CCDC7: variants seen among roughly 807,000 people sequenced by gnomAD.
The protein encoded by CCDC7 is coiled-coil domain-containing protein 7.
CCDC7 carries 183 observed loss-of-function variants against 196.9 expected under a neutral mutation model. The observed-to-expected ratio is 0.93, with a 90% CI of 0.82 to 1.05. CCDC7 has a LOEUF of 1.05. Ranked by LOEUF, CCDC7 falls within the 50% of genes least tolerant of loss-of-function variation. The pLI is 0.00. For missense variants in CCDC7, 1,540 were observed against 1,482.2 expected (o/e 1.04, Z -0.64); for synonymous variants, 525 against 484.6 (o/e 1.08, Z -1.10).
intron 30 of CCDC7, among the ~76,000 whole-genome samples, chr10:32,807,467 A>G (rs2086076459): frequency 6.6e-6 from 1 of 152,102 alleles, no homozygotes; most frequent in African/African-American, 2.4e-5. Context: ...AACACATACA[A>G]AAAAACAAAT....
chr10:32,797,096 T>C (rs2083699211), intron 29 of CCDC7, among the ~76,000 whole-genome samples: 1 of 151,762 alleles, frequency 6.6e-6, no homozygotes, highest in African/African-American at 2.4e-5. Flanking sequence ...TAATTCACAA[T>C]TGCAAAAATG....
intron 30 of CCDC7, among the ~76,000 whole-genome samples, chr10:32,808,822 T>A (rs2086427146): frequency 6.6e-6 from 1 of 150,688 alleles, no homozygotes; most frequent in South Asian, 2.1e-4. Flanking sequence ...CTGTTATAGC[T>A]GAAAAAAAAA....
intron 13 of CCDC7, among the ~76,000 whole-genome samples, chr10:32,554,936 C>T (rs1386987064): frequency 6.6e-6 from 1 of 152,190 alleles, no homozygotes; most frequent in Non-Finnish European, 1.5e-5. Flanking sequence ...TTAGCTCCCA[C>T]AAATAAGTGA....
intron 24 of CCDC7, among the ~76,000 whole-genome samples, chr10:32,706,633 G>A (rs1322702076): frequency 6.6e-6 from 1 of 150,730 alleles, no homozygotes; most frequent in Non-Finnish European, 1.5e-5. Flanking sequence ...AATGATAAAG[G>A]GGATACCACC....
intron 18 of CCDC7, among the ~76,000 whole-genome samples, chr10:32,598,872 A>G (rs1339731615): frequency 6.6e-6 from 1 of 152,080 alleles, no homozygotes; most frequent in Non-Finnish European, 1.5e-5. Flanking sequence ...ACTAGAAAAA[A>G]ATTGTGTATT....
chr10:32,775,623 T>C (rs1214642232), intron 28 of CCDC7, among the ~76,000 whole-genome samples: 1 of 152,176 alleles, frequency 6.6e-6, no homozygotes, highest in East Asian at 1.9e-4. Context: ...CATTGGTGGG[T>C]AAATTATCAT....
chr10:32,869,081 C>T (rs1048602410), intron 41 of CCDC7, among the ~76,000 whole-genome samples: 36 of 152,174 alleles, frequency 2.4e-4, no homozygotes, highest in Admixed American at 2.4e-3. Flanking sequence ...TGGGTATATA[C>T]CCAGTAATGG....
intron 29 of CCDC7, among the ~76,000 whole-genome samples, chr10:32,798,063 G>T (rs947221427): frequency 6.6e-6 from 1 of 152,216 alleles, no homozygotes; most frequent in East Asian, 1.9e-4. Flanking sequence ...TACCATGATG[G>T]TGGATAAAGC....
intron 28 of CCDC7, among the ~76,000 whole-genome samples, chr10:32,743,209 A>G (rs1287442998): frequency 6.6e-6 from 1 of 152,174 alleles, no homozygotes. Flanking sequence ...TATGACAAGA[A>G]TAGGTTTAGT....
intron 7 of CCDC7, 90 bp from the exon 9 acceptor site, chr10:32,473,876 GT>G: frequency 1.7e-6 from 2 of 1,200,198 alleles, no homozygotes. Context: ...TTCTGAATAA[GT>G]TACTAAAATT....
chr10:32,535,080 G>A (rs1225925787), intron 11 of CCDC7, among the ~76,000 whole-genome samples: 1 of 151,236 alleles, frequency 6.6e-6, no homozygotes, highest in Non-Finnish European at 1.5e-5. Flanking sequence ...GTGGAAGTCC[G>A]ATTTTCCTAC....
chr10:32,670,028 T>C (rs1185947075), intron 21 of CCDC7, among the ~76,000 whole-genome samples: 1 of 152,136 alleles, frequency 6.6e-6, no homozygotes, highest in East Asian at 1.9e-4. Flanking sequence ...CCATCTTCGC[T>C]TGGGGCACGT....
intron 41 of CCDC7, among the ~76,000 whole-genome samples, chr10:32,873,243 A>C (rs2136889176): frequency 6.6e-6 from 1 of 151,908 alleles, no homozygotes; most frequent in South Asian, 2.1e-4. Flanking sequence ...ATTTCTTTTT[A>C]TTCTTTTTTC....
At chr10:32,523,300 C>T (rs1377608858) in intron 11 of CCDC7, among the ~76,000 whole-genome samples, 1 of 152,136 alleles carries the variant, frequency 6.6e-6, no homozygotes, top group South Asian at 2.1e-4. Flanking sequence ...AATCCTAGCA[C>T]TTTGGGAGGT....
chr10:32,514,992 T>TA (rs1416143158), intron 9 of CCDC7, among the ~76,000 whole-genome samples: 1 of 152,014 alleles, frequency 6.6e-6, no homozygotes, highest in African/African-American at 2.4e-5. Context: ...GCCTGGCAAT[T>TA]AAAAAATTTT....
intron 8 of CCDC7, among the ~76,000 whole-genome samples, chr10:32,484,287 G>C (rs1213253164): frequency 6.6e-6 from 1 of 151,710 alleles, no homozygotes; most frequent in Non-Finnish European, 1.5e-5. Flanking sequence ...TCATGATTTG[G>C]CTCCCTGTTT....
At chr10:32,749,221 T>G (rs184169436) in intron 28 of CCDC7, among the ~76,000 whole-genome samples, 1 of 152,344 alleles carries the variant, frequency 6.6e-6, no homozygotes, top group African/African-American at 2.4e-5. Flanking sequence ...GTTCAGCTTT[T>G]TACTTGTTGT....
chr10:32,464,365 A>G (rs1367383754), intron 5 of CCDC7, among the ~76,000 whole-genome samples: 2 of 152,136 alleles, frequency 1.3e-5, no homozygotes, highest in African/African-American at 2.4e-5. Context: ...ACCTAACACA[A>G]TATTAACGTC....
At chr10:32,709,212 A>G (rs773158404) in intron 24 of CCDC7, among the ~76,000 whole-genome samples, 2 of 151,640 alleles carry the variant, frequency 1.3e-5, no homozygotes, top group African/African-American at 4.8e-5. Flanking sequence ...TCAGCAAACT[A>G]TCGCAAGGAT....
Sources: gnomAD v4.1 joint callset for allele counts (sites outside exome capture counted in the v4.1 genomes callset) on GRCh38, gnomAD v4.1.1 for gene constraint, MANE v1.5 for transcripts, NCBI Gene and HGNC (gene_info 2026-07-23, HGNC 2026-07-21) for gene names.